Variants in FOXP1 observed in about 807,000 individuals in gnomAD.
The protein encoded by FOXP1 is forkhead box protein P1.
A neutral mutation model predicts 98.2 loss-of-function variants in FOXP1; 15 were observed. The ratio of observed to expected loss-of-function variants is 0.15; its 90% CI spans 0.10 to 0.24. The LOEUF (loss-of-function observed/expected upper bound fraction) is 0.24, where lower values mean the gene tolerates loss of function less well. FOXP1 is among the 10% of genes least tolerant of loss of function. FOXP1 has a pLI of 1.00. For missense variants in FOXP1, 633 were observed against 848.5 expected (o/e 0.75, Z 3.15); for synonymous variants, 371 against 314.5 (o/e 1.18, Z -1.90).
At chr3:70,987,528 T>C (rs955771869) in intron 14 of FOXP1, among the ~76,000 whole-genome samples, 3 of 152,232 alleles carry the variant, frequency 2.0e-5, no homozygotes, top group African/African-American at 7.2e-5. Context: ...GTTTCCTATG[T>C]CTTTCCTCTG....
intron 13 of FOXP1, among the ~76,000 whole-genome samples, chr3:70,999,990 T>C (rs1438783614): frequency 1.3e-5 from 2 of 152,214 alleles, no homozygotes; most frequent in African/African-American, 4.8e-5. Flanking sequence ...CATCAAGCAC[T>C]CAAAAGCATT....
At chr3:70,991,918 G>A (rs1341176276) in intron 13 of FOXP1, among the ~76,000 whole-genome samples, 2 of 152,120 alleles carry the variant, frequency 1.3e-5, no homozygotes, top group African/African-American at 4.8e-5. Context: ...TCAAATCATA[G>A]GTCTTAGTCT....
At chr3:71,383,802 A>T (rs1306555485) in intron 3 of FOXP1, among the ~76,000 whole-genome samples, 2 of 152,234 alleles carry the variant, frequency 1.3e-5, no homozygotes, top group African/African-American at 4.8e-5. Flanking sequence ...TTTAAGAAAC[A>T]TGAGTTGGTA....
chr3:71,034,756 AG>A (rs1323884455), intron 11 of FOXP1, among the ~76,000 whole-genome samples: 1 of 152,126 alleles, frequency 6.6e-6, no homozygotes, highest in Non-Finnish European at 1.5e-5. Flanking sequence ...CACAGAGCCA[AG>A]GAGTGGGTCT....
intron 2 of FOXP1, among the ~76,000 whole-genome samples, chr3:71,514,687 T>C (rs370571308): frequency 6.6e-6 from 1 of 152,154 alleles, no homozygotes; most frequent in South Asian, 2.1e-4. Flanking sequence ...TTCATACAAG[T>C]TGAAAAAACA....
At chr3:71,293,375 G>A (rs2072959369) in intron 5 of FOXP1, among the ~76,000 whole-genome samples, 1 of 152,026 alleles carries the variant, frequency 6.6e-6, no homozygotes, top group Admixed American at 6.6e-5. Flanking sequence ...GCTGAGGCAG[G>A]AAGATCCCTC....
intron 3 of FOXP1, among the ~76,000 whole-genome samples, chr3:71,387,290 G>A (rs2080664502): frequency 6.6e-6 from 1 of 152,118 alleles, no homozygotes; most frequent in African/African-American, 2.4e-5. Context: ...GCACACAATG[G>A]GGCATAGTGC....
rs2048170874 is a variant in FOXP1, at chr3:71,581,533, G to A, written c.-298+16C>T. On this transcript the variant is annotated intron_variant, in intron 2 of 20. Transcript: ENST00000649528. The stretch of plus-strand genomic sequence containing the variant: ...CGGTGTCCCTGGACCCCGCGCCCGC[G>A]GCCGCCTCGACTTACCCGCGGAGTC... 1 of 985,402 alleles carries A rather than the reference G, an allele frequency of 1.0e-6. No individual in the cohort carries two copies. The highest frequency in any genetic ancestry group is 1.2e-6 in the Non-Finnish European group (1 of 829,944). 61.0% of individuals were successfully genotyped at this position (985,402 alleles called of 1,614,324 possible). A position where few individuals can be genotyped will look rare whatever the true frequency, so the allele number is the denominator to read the frequency against.
intron 3 of FOXP1, among the ~76,000 whole-genome samples, chr3:71,398,715 G>T (rs1017102616): frequency 6.6e-6 from 1 of 152,110 alleles, no homozygotes; most frequent in Admixed American, 6.5e-5. Context: ...TTGTCTTCCT[G>T]CCAAAACTCC....
At chr3:71,311,919 T>G (rs2074713481) in intron 4 of FOXP1, among the ~76,000 whole-genome samples, 1 of 152,162 alleles carries the variant, frequency 6.6e-6, no homozygotes, top group African/African-American at 2.4e-5. Context: ...AGCTCCCTTC[T>G]ACACTCAACT....
At chr3:71,473,849 T>C (rs1364147777) in intron 3 of FOXP1, among the ~76,000 whole-genome samples, 1 of 152,184 alleles carries the variant, frequency 6.6e-6, no homozygotes, top group Non-Finnish European at 1.5e-5. Context: ...CAAAAAGAAC[T>C]GTTACATCTC....
chr3:71,096,709 A>G (rs542660701), intron 7 of FOXP1, among the ~76,000 whole-genome samples: 1 of 152,314 alleles, frequency 6.6e-6, no homozygotes, highest in African/African-American at 2.4e-5. Flanking sequence ...GACAGATAGT[A>G]GTGAAGTGTT....
chr3:71,423,785 C>T (rs532497240), intron 3 of FOXP1, among the ~76,000 whole-genome samples: 2 of 152,176 alleles, frequency 1.3e-5, no homozygotes, highest in African/African-American at 4.8e-5. Context: ...ATTATGCTCC[C>T]CCGCCGCCCC....
rs184993767 is a variant in FOXP1, at chr3:71,102,023, C to A, written c.282+10513G>T. Among the ~76,000 whole-genome samples, 20 of 152,202 alleles carry A rather than the reference C, an allele frequency of 1.3e-4. No homozygotes were observed. The East Asian group carries it at 3.9e-3, about 29-fold the overall frequency. ...GAACTTATGAATAGAAGGCAGCAACCCCAGACCCTTTAGAAATGACTAGTA... is the reference window on the plus strand; with the variant it reads ...GAACTTATGAATAGAAGGCAGCAACACCAGACCCTTTAGAAATGACTAGTA... On this transcript the variant is annotated intron_variant, in intron 7 of 20. Coordinates refer to ENST00000649528, the MANE Select transcript of FOXP1 (RefSeq NM_001349338.3).
At chr3:71,431,739 C>T (rs183437326) in intron 3 of FOXP1, among the ~76,000 whole-genome samples, 1 of 152,318 alleles carries the variant, frequency 6.6e-6, no homozygotes, top group East Asian at 1.9e-4. Context: ...ACACCAAAGA[C>T]GAATGGAGAC....
chr3:71,334,177 G>T (rs1212352923), intron 4 of FOXP1: 1 of 152,372 alleles, frequency 6.6e-6, no homozygotes, highest in Admixed American at 6.5e-5. Flanking sequence ...TGAGGCCAAG[G>T]TGGGAGGACT....
At chr3:71,323,335 A>G (rs2107678849) in intron 4 of FOXP1, among the ~76,000 whole-genome samples, 1 of 152,288 alleles carries the variant, frequency 6.6e-6, no homozygotes, top group East Asian at 1.9e-4. Flanking sequence ...AGTATAAGGA[A>G]CAGTCTACTG....
At chr3:71,534,826 G>C (rs1253529769) in intron 2 of FOXP1, among the ~76,000 whole-genome samples, 1 of 152,150 alleles carries the variant, frequency 6.6e-6, no homozygotes, top group Non-Finnish European at 1.5e-5. Context: ...TTTGTTCCAA[G>C]ACTCTCTCTT....
chr3:71,410,626 A>G (rs2082660072), intron 3 of FOXP1, among the ~76,000 whole-genome samples: 1 of 152,244 alleles, frequency 6.6e-6, no homozygotes, highest in Non-Finnish European at 1.5e-5. Flanking sequence ...AGGAATTATG[A>G]AACAAATGTC....
Sources: gnomAD v4.1 joint callset for allele counts (sites outside exome capture counted in the v4.1 genomes callset) on GRCh38, gnomAD v4.1.1 for gene constraint, MANE v1.5 for transcripts, NCBI Gene and HGNC (gene_info 2026-07-23, HGNC 2026-07-21) for gene names.